OSTM1: variants seen among roughly 807,000 people sequenced by gnomAD.
OSTM1 encodes the protein osteoclastogenesis associated transmembrane protein 1.
A neutral mutation model predicts 35.4 loss-of-function variants in OSTM1; 26 were observed. The ratio of observed to expected loss-of-function variants is 0.73; its 90% confidence interval spans 0.54 to 1.02. The LOEUF (loss-of-function observed/expected upper bound fraction) is 1.02, where lower values mean the gene tolerates loss of function less well. Ranked by LOEUF, OSTM1 falls within the 50% of genes least tolerant of loss-of-function variation. The probability of loss-of-function intolerance (pLI) is 0.00; values close to 1 mark genes in which losing one functional copy is unlikely to be tolerated. For missense variants in OSTM1, 366 were observed against 409.6 expected (o/e 0.89, Z 0.92); for synonymous variants, 181 against 165.0 (o/e 1.10, Z -0.75).
intron 4 of OSTM1, among the ~76,000 whole-genome samples, chr6:108,050,355 C>T (rs117409388): frequency 0.061 from 8,169 of 134,726 alleles, 523 homozygotes; most frequent in Admixed American, 0.21. Context: ...AATCCAGAAA[C>T]GTCTTTTTTT....
At chr6:108,051,303 G>T in intron 3 of OSTM1, 105 bp from the exon 4 acceptor site, 1 of 816,998 alleles carries the variant, frequency 1.2e-6, no homozygotes, top group Non-Finnish European at 2.0e-6. Flanking sequence ...AATATGGTGT[G>T]TTAAAGTGCT....
At position 108,074,526 on chromosome 6, in the gene OSTM1, G is replaced by C; in HGVS notation, c.126C>G (p.Val42=). 1.3e-6 allele frequency: 2 copies of C among 1,558,060 alleles called. No individual in the cohort carries two copies. Among genetic ancestry groups the C allele is most frequent in the Non-Finnish European group, 8.7e-7 (1 of 1,152,296 alleles). Residue 42 remains valine, a synonymous_variant, in exon 1 of 6, where the codon GTC becomes GTG. Coordinates refer to ENST00000193322, the MANE Select transcript of OSTM1 (RefSeq NM_014028.4). ...GCTGCTCCGACAGGAGGTCGTGGAA[G>C]ACCCTGTGCGGACTGCTGCCGAAGG... ...ALPFGSSPHR[V]FHDLLSEQQL...
At chr6:108,048,527 CACAA>C (rs1012396599) in intron 5 of OSTM1, among the ~76,000 whole-genome samples, 16 of 152,186 alleles carry the variant, frequency 1.1e-4, no homozygotes, top group African/African-American at 3.1e-4. Context: ...CCAATTTGTT[CACAA>C]ACAAACTGTC....
rs115916679 is a variant in OSTM1 at position 108,045,574 on chromosome 6, G to A, written c.950-734C>T. On this transcript the variant is annotated intron_variant, in intron 5 of 5. Transcript: ENST00000193322. ...GTATATTATTATGGAACTCTGTATT[G>A]TAAAAAAAAAATTTTAATGATCCTC... 1.9e-3 allele frequency among the ~76,000 whole-genome samples: 290 copies of A among 149,784 alleles called. 2 individuals are homozygous for A. The highest frequency in any genetic ancestry group is 6.8e-3 in the African/African-American group (279 of 40,888).
At chr6:108,060,182 T>C (rs1312377335) in intron 2 of OSTM1, among the ~76,000 whole-genome samples, 4 of 152,188 alleles carry the variant, frequency 2.6e-5, no homozygotes, top group Non-Finnish European at 1.5e-5. Context: ...GCCAAATTAA[T>C]TTTAATTGGG....
At chr6:108,072,997 C>T (rs1462167945) in intron 1 of OSTM1, among the ~76,000 whole-genome samples, 2 of 152,182 alleles carry the variant, frequency 1.3e-5, no homozygotes, top group Non-Finnish European at 2.9e-5. Flanking sequence ...TTAGTAGAGA[C>T]GGGGGTTTCA....
At position 108,041,716 on chromosome 6, in the gene OSTM1, A is replaced by G. The variant is rs1676971607; in HGVS notation, c.*3069T>C. 1 of 152,206 alleles carries G rather than the reference A, an allele frequency of 6.6e-6. No homozygotes were observed. Among genetic ancestry groups the G allele is most frequent in the African/African-American group, 2.4e-5 (1 of 41,454 alleles). 9.4% of individuals were successfully genotyped at this position (152,206 alleles called of 1,614,324 possible). A position where few individuals can be genotyped will look rare whatever the true frequency, so the allele number is the denominator to read the frequency against. ...ATGACTGTTATAAATAAAGAGCTCTATGATGTTCCACTTATTTAGTCTTAA... is the reference window on the plus strand; with the variant it reads ...ATGACTGTTATAAATAAAGAGCTCTGTGATGTTCCACTTATTTAGTCTTAA... On this transcript the variant is annotated 3_prime_UTR_variant, in exon 6 of 6. Transcript: ENST00000193322.
intron 1 of OSTM1, among the ~76,000 whole-genome samples, chr6:108,069,492 T>C (rs181659164): frequency 6.6e-5 from 10 of 152,164 alleles, no homozygotes; most frequent in Admixed American, 1.3e-4. Context: ...TAGATAGAGA[T>C]AGATAGGTAG....
chr6:108,048,749 C>CT (rs575605197), intron 5 of OSTM1, among the ~76,000 whole-genome samples: 10,225 of 111,712 alleles, frequency 0.092, 1,446 homozygotes, highest in African/African-American at 0.28. Flanking sequence ...TGTGTTTTAA[C>CT]TTTTTTTTTT....
chr6:108,066,745 T>C (rs1486772544), intron 1 of OSTM1, among the ~76,000 whole-genome samples: 1 of 151,726 alleles, frequency 6.6e-6, no homozygotes, highest in Non-Finnish European at 1.5e-5. Flanking sequence ...GAAAGAGAGG[T>C]CACTAAAGAG....
Position 108,043,936 on chromosome 6 carries a change from C to G in OSTM1, c.*849G>C, listed in dbSNP as rs1771920584. 6.6e-6 allele frequency: 1 copy of G among 152,360 alleles called. No homozygotes were observed. Among genetic ancestry groups the G allele is most frequent in the Non-Finnish European group, 1.5e-5 (1 of 68,008 alleles). 9.4% of individuals were successfully genotyped at this position (152,360 alleles called of 1,614,324 possible). A position where few individuals can be genotyped will look rare whatever the true frequency, so the allele number is the denominator to read the frequency against. On this transcript the variant is annotated 3_prime_UTR_variant, in exon 6 of 6. Transcript: ENST00000193322. ...CTATATATCTTAAGAAGAAAATATT[C>G]CTTTAAAAAATGACAATTTAAATAC...
chr6:108,074,006 C>T (rs906796968), intron 1 of OSTM1, among the ~76,000 whole-genome samples: 1 of 152,076 alleles, frequency 6.6e-6, no homozygotes, highest in Non-Finnish European at 1.5e-5. Context: ...GAATCAGGAC[C>T]CCCAAGAAAA....
intron 1 of OSTM1, among the ~76,000 whole-genome samples, chr6:108,066,125 G>T (rs2027875): frequency 0.28 from 41,858 of 152,012 alleles, 6,159 homozygotes; most frequent in Admixed American, 0.45. Context: ...ATGAGAGGCC[G>T]TGAGGGTCAT....
intron 2 of OSTM1, among the ~76,000 whole-genome samples, chr6:108,061,699 T>C (rs1332283179): frequency 6.7e-6 from 1 of 149,624 alleles, no homozygotes; most frequent in Non-Finnish European, 1.5e-5. Flanking sequence ...CTAATTTTTT[T>C]CTTTTCTTTT....
intron 2 of OSTM1, among the ~76,000 whole-genome samples, chr6:108,062,951 T>C (rs1772308345): frequency 6.6e-6 from 1 of 152,172 alleles, no homozygotes; most frequent in Admixed American, 6.5e-5. Context: ...CCACTATGCT[T>C]CCTGGAACAT....
intron 1 of OSTM1, among the ~76,000 whole-genome samples, chr6:108,064,793 T>C (rs993414419): frequency 2.0e-5 from 3 of 152,192 alleles, no homozygotes; most frequent in Non-Finnish European, 2.9e-5. Flanking sequence ...TTCTGGGGCT[T>C]TGAGAACCTC....
chr6:108,067,828 T>TTAAAAA (rs1772406181), intron 1 of OSTM1, among the ~76,000 whole-genome samples: 2 of 77,802 alleles, frequency 2.6e-5, no homozygotes, highest in Admixed American at 1.8e-4. Flanking sequence ...AGCCTCTGTC[T>TTAAAAA]AAAAAAAAAA....
chr6:108,055,314 T>C (rs1419252767), intron 2 of OSTM1, among the ~76,000 whole-genome samples: 1 of 144,832 alleles, frequency 6.9e-6, no homozygotes, highest in East Asian at 2.0e-4. Flanking sequence ...GAATAATCTA[T>C]TCTTCTTTTT....
At chr6:108,059,059 C>T (rs1772227489) in intron 2 of OSTM1, among the ~76,000 whole-genome samples, 1 of 152,056 alleles carries the variant, frequency 6.6e-6, no homozygotes, top group African/African-American at 2.4e-5. Context: ...ATTTTGAGGC[C>T]TATCTCATTA....
Sources: allele counts gnomAD v4.1 joint callset (sites outside exome capture counted in the v4.1 genomes callset), GRCh38; gene constraint gnomAD v4.1.1; transcripts MANE v1.5; gene names NCBI Gene and HGNC (gene_info 2026-07-23, HGNC 2026-07-21).